MYO10: variants seen among roughly 807,000 people sequenced by gnomAD.
MYO10 encodes myosin X, also known as unconventional myosin-X.
Under a neutral mutation model 257.3 loss-of-function variants are expected in MYO10, and 133 were observed. The observed-to-expected ratio is 0.52, with a 90% CI of 0.45 to 0.60. The LOEUF is 0.60. Among genes scored for constraint, MYO10 ranks in the 20% least tolerant of loss-of-function variants. The pLI, the probability that MYO10 is intolerant of heterozygous loss-of-function variation, is 0.00. For synonymous variants in MYO10, 1,104 were observed against 1,028.6 expected, an observed-to-expected ratio of 1.07 and a Z score of -1.40; for missense variants, 2,399 against 2,635.7, an observed-to-expected ratio of 0.91 and a Z score of 1.97.
At position 16,862,812 on chromosome 5, in the gene MYO10, G is replaced by A. The variant is rs137924665; in HGVS notation, c.120+14797C>T. ...CCACAAAATCGAAAGCAACCACAGG[G>A]GTCAATAGCACCAAACATGAGCCCT... On this transcript the variant is annotated intron_variant, in intron 2 of 40. Transcript: ENST00000513610. Among the ~76,000 whole-genome samples the A allele has an allele frequency of 4.7e-3, 708 of 152,126 alleles. 6 individuals are homozygous for A. Among genetic ancestry groups the A allele is most frequent in the African/African-American group, 0.016 (673 of 41,484 alleles).
At position 16,666,738 on chromosome 5, in the gene MYO10, C is replaced by T. The variant is rs745723684; in HGVS notation, c.6131G>A (p.Arg2044His). 2.5e-6 allele frequency: 4 copies of T among 1,607,840 alleles called. No individual in the cohort carries two copies. The highest frequency in any genetic ancestry group is 3.4e-6 in the Non-Finnish European group (4 of 1,178,442). Reference sequence around the variant, plus strand: ...GCTGGCGGAGCGTGTCGTGCTGTAGCGCTTCTTCACGATCATGCTGATGTA... The same window carrying T: ...GCTGGCGGAGCGTGTCGTGCTGTAGTGCTTCTTCACGATCATGCTGATGTA... ...KAYISMIVKK[R>H]YSTTRSASSQ... is the part of the protein sequence containing the mutation. The change falls in exon 41 of 41, where the codon CGC becomes CAC. Residue 2044 changes from arginine (R) to histidine (H), a missense_variant. Coordinates refer to ENST00000513610, the MANE Select transcript of MYO10 (RefSeq NM_012334.3).
chr5:16,808,522 C>T (rs1227494320), intron 3 of MYO10, among the ~76,000 whole-genome samples: 3 of 151,964 alleles, frequency 2.0e-5, no homozygotes, highest in African/African-American at 7.2e-5. Flanking sequence ...TTTTAAAAAT[C>T]GTGAAGCATT....
chr5:16,711,469 C>T (rs914796158), intron 19 of MYO10, among the ~76,000 whole-genome samples: 1 of 152,200 alleles, frequency 6.6e-6, no homozygotes, highest in Non-Finnish European at 1.5e-5. Flanking sequence ...CCACAAGCTA[C>T]TTCCTCCCTC....
At chr5:16,689,268 C>T (rs954267194) in intron 28 of MYO10, among the ~76,000 whole-genome samples, 1 of 152,062 alleles carries the variant, frequency 6.6e-6, no homozygotes. Flanking sequence ...AGGTATGAAA[C>T]ATTTAGAATA....
Position 16,780,542 on chromosome 5 carries a change from GC to G in MYO10, c.807del (p.Leu270TrpfsTer20). The G allele has an allele frequency of 6.3e-7, 1 of 1,582,032 alleles. No individual in the cohort carries two copies. Among genetic ancestry groups the G allele is most frequent in the Non-Finnish European group, 8.6e-7 (1 of 1,162,300 alleles). The part of the protein sequence containing the change: ...NYHIFYALLA[G>X]LEHEEREEFY... ...CACTCACCTCTTTCTTCATGTTCCA[GC>G]CCTGCCAGCAGTGCATAAAATATGT... On this transcript the variant is annotated frameshift_variant, in exon 8 of 41. Coordinates refer to ENST00000513610, the MANE Select transcript of MYO10 (RefSeq NM_012334.3). LOFTEE classifies it high-confidence loss of function.
intron 21 of MYO10, 21 bp downstream of exon 21, chr5:16,710,887 T>C (rs1406231278): frequency 1.6e-5 from 26 of 1,600,162 alleles, no homozygotes; most frequent in Non-Finnish European, 2.2e-5. Context: ...CGGTGGGAGT[T>C]GCTCTTTCTC....
At chr5:16,778,860 G>T (rs995318546) in intron 9 of MYO10, among the ~76,000 whole-genome samples, 2 of 151,872 alleles carry the variant, frequency 1.3e-5, no homozygotes, top group Non-Finnish European at 2.9e-5. Flanking sequence ...CCGGCTAATT[G>T]TTTGTATTTT....
chr5:16,869,667 C>T (rs887660849), intron 2 of MYO10, among the ~76,000 whole-genome samples: 4 of 151,342 alleles, frequency 2.6e-5, no homozygotes, highest in Non-Finnish European at 4.4e-5. Context: ...GAGTTCAAGG[C>T]CAGCCTAGCC....
intron 1 of MYO10, among the ~76,000 whole-genome samples, chr5:16,914,640 C>G (rs1411117784): frequency 6.6e-6 from 1 of 152,234 alleles, no homozygotes; most frequent in East Asian, 1.9e-4. Flanking sequence ...AACATGCCTT[C>G]CACTGGGTAC....
chr5:16,865,810 C>CAATAATAATAATAATAAT (rs1744228081), intron 2 of MYO10, among the ~76,000 whole-genome samples: 3 of 86,260 alleles, frequency 3.5e-5, no homozygotes, highest in East Asian at 5.1e-4. Context: ...GACTCCGTCT[C>CAATAATAATAATAATAAT]GATAATAATA....
chr5:16,744,850 TA>T (rs374492860), intron 19 of MYO10, among the ~76,000 whole-genome samples: 5 of 152,178 alleles, frequency 3.3e-5, no homozygotes, highest in Non-Finnish European at 5.9e-5. Context: ...TGTTGATGTT[TA>T]AACAAAAATT....
At chr5:16,864,817 A>T (rs1744196653) in intron 2 of MYO10, among the ~76,000 whole-genome samples, 1 of 152,220 alleles carries the variant, frequency 6.6e-6, no homozygotes, top group South Asian at 2.1e-4. Flanking sequence ...GAAGAGGTCT[A>T]GGGAGTCAGA....
At chr5:16,776,046 C>T (rs914259024) in intron 9 of MYO10, among the ~76,000 whole-genome samples, 1 of 151,982 alleles carries the variant, frequency 6.6e-6, no homozygotes, top group Non-Finnish European at 1.5e-5. Flanking sequence ...CACGTGTGTG[C>T]CACTACACCC....
chr5:16,695,138 A>C (rs1022353970), intron 26 of MYO10, among the ~76,000 whole-genome samples: 1 of 152,188 alleles, frequency 6.6e-6, no homozygotes, highest in African/African-American at 2.4e-5. Flanking sequence ...GTTCAAGACC[A>C]GCCTGGCCAA....
At position 16,710,823 on chromosome 5, in the gene MYO10, G is replaced by A. The variant is rs772153289; in HGVS notation, c.2169+85C>T. ...CAATGTGAAAGAACAATTGTATAGC[G>A]GTGTCATAGAGCCCTAAACCCTGTG... On this transcript the variant is annotated intron_variant, in intron 21 of 40. Coordinates refer to ENST00000513610, the MANE Select transcript of MYO10 (RefSeq NM_012334.3). 1.2e-4 allele frequency: 131 copies of A among 1,079,662 alleles called. 1 individual carries two copies. Among genetic ancestry groups the A allele is most frequent in the Non-Finnish European group, 1.7e-4 (123 of 724,518 alleles). The allele number at this position is 1,079,662 out of a possible 1,614,324, so 66.9% of individuals were successfully genotyped here. A position where few individuals can be genotyped will look rare whatever the true frequency, so the allele number is the denominator to read the frequency against.
At chr5:16,769,799 G>A (rs1374321465) in intron 9 of MYO10, among the ~76,000 whole-genome samples, 8 of 152,156 alleles carry the variant, frequency 5.3e-5, no homozygotes, top group Non-Finnish European at 2.9e-5. Context: ...TTACCTCAGG[G>A]AGTCACAGTC....
intron 19 of MYO10, among the ~76,000 whole-genome samples, chr5:16,722,476 C>T (rs1447890081): frequency 1.4e-5 from 2 of 139,884 alleles, no homozygotes; most frequent in East Asian, 4.0e-4. Context: ...TAGGTTTTGC[C>T]TCTCTTACAG....
At chr5:16,861,255 T>TA (rs542471277) in intron 2 of MYO10, among the ~76,000 whole-genome samples, 3,630 of 111,982 alleles carry the variant, frequency 0.032, 136 homozygotes, top group African/African-American at 0.12. Context: ...CCTACAGCAA[T>TA]AAAAAAAAAA....
At chr5:16,885,754 G>A (rs573947589) in intron 1 of MYO10, among the ~76,000 whole-genome samples, 28 of 152,176 alleles carry the variant, frequency 1.8e-4, no homozygotes, top group East Asian at 1.7e-3. Flanking sequence ...CAAATGCAGC[G>A]CTAACGCGAG....
Sources: allele counts gnomAD v4.1 joint callset (sites outside exome capture counted in the v4.1 genomes callset), GRCh38; gene constraint gnomAD v4.1.1; transcripts MANE v1.5; gene names NCBI Gene and HGNC (gene_info 2026-07-23, HGNC 2026-07-21).